The following ADGRF3 variants were observed in gnomAD, a reference collection of about 807,000 sequenced individuals.
ADGRF3 encodes adhesion G protein-coupled receptor F3.
A neutral mutation model predicts 93.2 loss-of-function variants in ADGRF3; 85 were observed. The observed-to-expected ratio is 0.91, with a 90% CI of 0.77 to 1.09. ADGRF3 has a LOEUF of 1.09. Among genes scored for constraint, ADGRF3 ranks in the 50% least tolerant of loss-of-function variants. The pLI is 0.00. For synonymous variants in ADGRF3, 534 were observed against 532.5 expected (o/e 1.00, Z -0.04); for missense variants, 1,125 against 1,246.2 (o/e 0.90, Z 1.46).
intron 9 of ADGRF3, among the ~76,000 whole-genome samples, chr2:26,312,443 G>A (rs796862418): frequency 1.5e-4 from 23 of 152,344 alleles, no homozygotes; most frequent in African/African-American, 4.8e-4. Flanking sequence ...CAGTGGTAGA[G>A]GGCACCGTGT....
At chr2:26,317,393 C>A in intron 2 of ADGRF3, 103 bp downstream of exon 2, 1 of 1,122,792 alleles carries the variant, frequency 8.9e-7, no homozygotes, top group Non-Finnish European at 1.3e-6. Context: ...TCCGCCACCA[C>A]TCCCTCGCTG....
At chr2:26,319,951 T>A (rs563889046) in intron 1 of ADGRF3, among the ~76,000 whole-genome samples, 1 of 152,294 alleles carries the variant, frequency 6.6e-6, no homozygotes, top group South Asian at 2.1e-4. Context: ...TATCAAGTTA[T>A]TTCATAAAAT....
intron 4 of ADGRF3, among the ~76,000 whole-genome samples, 195 bp from the exon 5 acceptor site, chr2:26,315,935 T>C (rs1422514470): frequency 2.0e-5 from 3 of 152,106 alleles, no homozygotes. Flanking sequence ...ACTCTATCTG[T>C]TATTGGAAAC....
chr2:26,329,554 C>T (rs867047942), intron 1 of ADGRF3, among the ~76,000 whole-genome samples: 1 of 152,222 alleles, frequency 6.6e-6, no homozygotes, highest in East Asian at 1.9e-4. Flanking sequence ...AAATGCAGAT[C>T]TGCTGACATC....
chr2:26,316,287 A>G lies in ADGRF3; in HGVS notation c.487T>C (p.Leu163=). The change falls in exon 4 of 14, where the codon TTG becomes CTG. Residue 163 remains leucine, a synonymous_variant. Coordinates refer to ENST00000651242, the MANE Select transcript of ADGRF3 (RefSeq NM_001321971.2). ...CAACCTTCCTCACCAGGTGGCAGCA[A>G]CTGGCAGTACCCGGGTTCGGGATGG... ...FSHPEPGYCQ[L]LPPVPGILNL... 5 of 1,551,498 alleles carry G rather than the reference A, an allele frequency of 3.2e-6. No homozygotes were observed. The highest frequency in any genetic ancestry group is 4.4e-6 in the Non-Finnish European group (5 of 1,146,866).
In ADGRF3 at chr2:26,346,168, G is replaced by C. The variant is rs556073630; in HGVS notation, c.67C>G (p.His23Asp). Residue 23 changes from histidine to aspartate, a missense_variant, in exon 1 of 14, where the codon CAC becomes GAC. By Grantham distance (81) the His-to-Asp change is moderately conservative (BLOSUM62 -1). Coordinates refer to ENST00000651242, the MANE Select transcript of ADGRF3 (RefSeq NM_001321971.2). ...GCCATCCTTGCCCAGCCGGTGTGGT[G>C]CTTGTGTGTCACAGCCTTGTAGCCG... ...TPGYKAVTHK[H>D]HTGWARMAKT... is the part of the protein sequence containing the mutation. 27 of 1,611,652 alleles carry C rather than the reference G, an allele frequency of 1.7e-5. No individual in the cohort carries two copies. In the East Asian group the frequency reaches 5.8e-4, roughly 35 times the overall value.
In ADGRF3 at chr2:26,311,270, G is replaced by A. The variant is rs1469780742; in HGVS notation, c.2254C>T (p.Leu752=). 6.2e-7 allele frequency: 1 copy of A among 1,613,448 alleles called. No homozygotes were observed. The highest frequency in any genetic ancestry group is 2.2e-5 in the East Asian group (1 of 44,856). ...AALLNMVFCL[L]AADTCFLGAP... ...CCCAGGAAGCAAGTGTCTGCGGCCA[G>A]CAAGCAGAACACCATGTTGAGCAGG... Residue 752 remains leucine, a synonymous_variant, in exon 10 of 14, where the codon CTG becomes TTG. Coordinates refer to ENST00000651242, the MANE Select transcript of ADGRF3 (RefSeq NM_001321971.2).
rs758404651 is a variant in ADGRF3 at position 26,346,204 on chromosome 2, C to G, written c.31G>C (p.Ala11Pro). Reference protein sequence around the residue: MTTRKLSAHSAATPGYKAVTH... With the variant: MTTRKLSAHSPATPGYKAVTH... ...ACAGCCTTGTAGCCGGGAGTCGCTG[C>G]CGAGTGGGCGCTCAGTTTTCGGGTC... is the stretch of plus-strand genomic sequence containing the variant. The change falls in exon 1 of 14, where the codon GCA becomes CCA. Residue 11 changes from alanine to proline, a missense_variant. By Grantham distance (27) the Ala-to-Pro change is conservative (BLOSUM62 -1). Transcript: ENST00000651242. The G allele has an allele frequency of 1.2e-6, 2 of 1,613,424 alleles. No individual in the cohort carries two copies. Among genetic ancestry groups the G allele is most frequent in the Admixed American group, 3.3e-5 (2 of 59,982 alleles).
chr2:26,341,507 A>C (rs1676396457), intron 1 of ADGRF3, among the ~76,000 whole-genome samples: 1 of 152,194 alleles, frequency 6.6e-6, no homozygotes, highest in Non-Finnish European at 1.5e-5. Flanking sequence ...TATTGCGTAG[A>C]CTTTTTCTGT....
chr2:26,310,043 C>T lies in ADGRF3; in HGVS notation c.2937G>A (p.Leu979=), dbSNP rs753868847. 4 of 1,614,050 alleles carry T rather than the reference C, an allele frequency of 2.5e-6. No homozygotes were observed. Among genetic ancestry groups the T allele is most frequent in the Non-Finnish European group, 3.4e-6 (4 of 1,179,894 alleles). The change falls in exon 12 of 14, where the codon CTG becomes CTA. Residue 979 remains leucine (L), a splice_region_variant and synonymous_variant. Transcript: ENST00000651242. ...RAQAPSSTIS[L]ATNEGCILEH... ...TGAGGATCTGAAGGCAGCAACTCAC[C>T]AGGGAGATGGTGGAGCTGGGGGCTT...
At chr2:26,326,708 T>C (rs1051660314) in intron 1 of ADGRF3, among the ~76,000 whole-genome samples, 8 of 152,164 alleles carry the variant, frequency 5.3e-5, no homozygotes, top group Non-Finnish European at 1.0e-4. Context: ...ATATTCTACT[T>C]ATTTTCTGAC....
chr2:26,317,274 A>G (rs1480694682), intron 2 of ADGRF3, among the ~76,000 whole-genome samples: 1 of 151,984 alleles, frequency 6.6e-6, no homozygotes, highest in Non-Finnish European at 1.5e-5. Context: ...GTCCAGCAAC[A>G]CCTATTTTAT....
intron 1 of ADGRF3, among the ~76,000 whole-genome samples, chr2:26,328,661 C>T (rs1376826980): frequency 6.6e-6 from 1 of 152,124 alleles, no homozygotes; most frequent in Non-Finnish European, 1.5e-5. Context: ...ACCCTGTTAG[C>T]CAAGATGGTC....
At position 26,315,548 on chromosome 2, in the gene ADGRF3, ACG is replaced by A; in HGVS notation, c.690_691del (p.Val231LeufsTer10). On this transcript the variant is annotated frameshift_variant, in exon 5 of 14. Transcript: ENST00000651242. LOFTEE classifies it high-confidence loss of function. ...TGCCCAGTGATGGGACATGTTGGAG[ACG>A]CTGAGGGCAGCCTGGCCGTGGCTGG... is the stretch of plus-strand genomic sequence containing the variant. 6.4e-7 allele frequency: 1 copy of A among 1,551,344 alleles called. No homozygotes were observed. Among genetic ancestry groups the A allele is most frequent in the Non-Finnish European group, 8.7e-7 (1 of 1,146,910 alleles).
intron 1 of ADGRF3, among the ~76,000 whole-genome samples, chr2:26,328,603 G>A (rs1183412442): frequency 6.6e-6 from 1 of 151,952 alleles, no homozygotes; most frequent in African/African-American, 2.4e-5. Context: ...ACAGGTGCAT[G>A]CCCACACCCG....
chr2:26,317,134 C>A, intron 2 of ADGRF3, 79 bp from the exon 3 acceptor site: 1 of 1,453,828 alleles, frequency 6.9e-7, no homozygotes, highest in East Asian at 2.5e-5. Flanking sequence ...TCTCACCTAG[C>A]TGGCCAGTCC....
At chr2:26,338,924 T>C (rs1174098515) in intron 1 of ADGRF3, among the ~76,000 whole-genome samples, 1 of 147,142 alleles carries the variant, frequency 6.8e-6, no homozygotes, top group African/African-American at 2.5e-5. Context: ...GATCACAAAG[T>C]CAGGAGATCA....
chr2:26,321,277 G>A (rs1353929938), intron 1 of ADGRF3, among the ~76,000 whole-genome samples: 1 of 152,152 alleles, frequency 6.6e-6, no homozygotes, highest in Non-Finnish European at 1.5e-5. Context: ...TGAAAATGGT[G>A]GAGAATCTGG....
intron 1 of ADGRF3, among the ~76,000 whole-genome samples, chr2:26,332,762 T>A (rs902221903): frequency 6.9e-6 from 1 of 144,024 alleles, no homozygotes; most frequent in African/African-American, 2.5e-5. Context: ...TACAAAGTTA[T>A]AACCAAACTT....
Sources: allele counts gnomAD v4.1 joint callset (sites outside exome capture counted in the v4.1 genomes callset), GRCh38; gene constraint gnomAD v4.1.1; transcripts MANE v1.5; gene names NCBI Gene and HGNC (gene_info 2026-07-23, HGNC 2026-07-21).